Variants in CALN1 observed in about 807,000 individuals in gnomAD.
CALN1 encodes the protein calcium-binding protein 8.
In CALN1, 17 loss-of-function variants were observed where a neutral mutation model predicts 30.6. That is an observed-to-expected ratio of 0.56 (90% CI 0.38 to 0.83). The LOEUF is 0.83. CALN1 is among the 40% of genes least tolerant of loss of function. The pLI is 0.00. For synonymous variants in CALN1, 156 were observed against 131.4 expected (o/e 1.19, Z -1.28); for missense variants, 291 against 354.9 (o/e 0.82, Z 1.45).
intron 3 of CALN1, among the ~76,000 whole-genome samples, chr7:72,271,610 G>GC (rs1797000620): frequency 2.0e-5 from 2 of 100,954 alleles, no homozygotes; most frequent in Admixed American, 1.1e-4. Flanking sequence ...CAGCAGGCAG[G>GC]AGATGAGGGG....
At chr7:72,033,810 G>T (rs531871673) in intron 4 of CALN1, among the ~76,000 whole-genome samples, 1 of 152,282 alleles carries the variant, frequency 6.6e-6, no homozygotes, top group East Asian at 1.9e-4. Flanking sequence ...CCAGAACTTT[G>T]CTCACCAAAG....
chr7:71,909,639 T>C (rs1251140594), intron 5 of CALN1, among the ~76,000 whole-genome samples: 3 of 152,204 alleles, frequency 2.0e-5, no homozygotes, highest in Non-Finnish European at 4.4e-5. Flanking sequence ...CAGGCTTCCA[T>C]ACCTTTTTGT....
chr7:72,057,184 T>C (rs1803314246), intron 4 of CALN1, among the ~76,000 whole-genome samples: 1 of 152,042 alleles, frequency 6.6e-6, no homozygotes, highest in Admixed American at 6.6e-5. Context: ...CGGCCTGAAG[T>C]AATCCTCCCA....
At chr7:72,183,319 GA>G (rs1789948752) in intron 3 of CALN1, among the ~76,000 whole-genome samples, 1 of 152,186 alleles carries the variant, frequency 6.6e-6, no homozygotes, top group South Asian at 2.1e-4. Flanking sequence ...AGAAGGCAAG[GA>G]GGGGGAGAGG....
intron 2 of CALN1, among the ~76,000 whole-genome samples, chr7:72,366,608 T>C (rs1196324700): frequency 6.6e-6 from 1 of 152,148 alleles, no homozygotes; most frequent in East Asian, 1.9e-4. Context: ...TTGTACCTAA[T>C]ATGTAGTTTT....
At chr7:72,417,159 C>T (rs922989060), upstream of CALN1, among the ~76,000 whole-genome samples, 1 of 152,198 alleles carries the variant, frequency 6.6e-6, no homozygotes, top group Non-Finnish European at 1.5e-5. Flanking sequence ...AGACAACAAG[C>T]GTTTGAGAAG....
chr7:71,966,375 C>A (rs1797531922), intron 5 of CALN1, among the ~76,000 whole-genome samples: 1 of 152,082 alleles, frequency 6.6e-6, no homozygotes, highest in Admixed American at 6.6e-5. Flanking sequence ...AATTGTAATC[C>A]TCAGTGATGG....
At chr7:72,446,925 G>A (rs1808545204) in intron 1 of CALN1, 2 of 152,452 alleles carry the variant, frequency 1.3e-5, no homozygotes, top group South Asian at 2.1e-4. Context: ...AAATTGGAGA[G>A]GAGGAAGAGG....
intron 3 of CALN1, among the ~76,000 whole-genome samples, chr7:72,190,664 T>A (rs1390478685): frequency 1.3e-5 from 2 of 152,322 alleles, no homozygotes; most frequent in Admixed American, 6.5e-5. Context: ...TTCAGAAAAA[T>A]TATTTTTTAA....
Position 71,787,419 on chromosome 7 carries a change from T to C in CALN1, c.*356A>G, listed in dbSNP as rs1192255565. On this transcript the variant is annotated 3_prime_UTR_variant, in exon 7 of 7. Coordinates refer to ENST00000395275, the MANE Select transcript of CALN1 (RefSeq NM_031468.4). ...AGGTGACTGTGTGTTCATGCCTCTC[T>C]CTTGCTCTCTCACCATTATACCTGG... The C allele has an allele frequency of 1.8e-5, 4 of 226,450 alleles. No individual in the cohort carries two copies. The highest frequency in any genetic ancestry group is 8.8e-5 in the African/African-American group (4 of 45,246). 14.0% of individuals were successfully genotyped at this position (226,450 alleles called of 1,614,324 possible).
chr7:72,292,346 T>G (rs1798542287), intron 2 of CALN1, among the ~76,000 whole-genome samples: 1 of 151,510 alleles, frequency 6.6e-6, no homozygotes, highest in Non-Finnish European at 1.5e-5. Flanking sequence ...CAGAGAGCGC[T>G]CTGGTCTCTT....
intron 1 of CALN1, among the ~76,000 whole-genome samples, chr7:72,444,574 T>TA (rs1808463169): frequency 6.6e-6 from 1 of 152,128 alleles, no homozygotes; most frequent in South Asian, 2.1e-4. Context: ...TTGGGAGAGA[T>TA]AGAGTGACAG....
At chr7:71,952,785 C>T (rs796552266) in intron 5 of CALN1, among the ~76,000 whole-genome samples, 6 of 152,238 alleles carry the variant, frequency 3.9e-5, no homozygotes, top group South Asian at 4.1e-4. Context: ...CTTGTCGGCT[C>T]GGCCCCTGTA....
intron 5 of CALN1, among the ~76,000 whole-genome samples, chr7:71,816,765 C>T (rs988082616): frequency 4.6e-5 from 7 of 152,168 alleles, no homozygotes; most frequent in South Asian, 4.2e-4. Context: ...GTCAGGAGTT[C>T]GAGACTAGCC....
intron 5 of CALN1, among the ~76,000 whole-genome samples, chr7:71,829,263 A>G (rs1410047992): frequency 2.0e-5 from 3 of 152,096 alleles, no homozygotes; most frequent in Non-Finnish European, 4.4e-5. Flanking sequence ...AGATTTCACT[A>G]AAGAGGAAAA....
upstream of CALN1, among the ~76,000 whole-genome samples, chr7:72,449,747 C>T (rs983225873): frequency 3.3e-5 from 5 of 151,640 alleles, no homozygotes; most frequent in African/African-American, 1.2e-4. Context: ...TGGTGGCGGG[C>T]GCCTGTAGTC....
intron 2 of CALN1, among the ~76,000 whole-genome samples, chr7:72,326,474 T>C (rs1016713486): frequency 3.9e-5 from 6 of 152,250 alleles, no homozygotes; most frequent in African/African-American, 1.4e-4. Context: ...TATGTGTTTA[T>C]GTGTATGCAT....
chr7:72,181,101 C>CG (rs1182656549), intron 3 of CALN1, among the ~76,000 whole-genome samples: 1 of 83,454 alleles, frequency 1.2e-5, no homozygotes, highest in East Asian at 4.7e-4. Context: ...GCATAACCCC[C>CG]CCCCCCCCCA....
intron 4 of CALN1, among the ~76,000 whole-genome samples, chr7:72,046,016 A>T (rs1802446314): frequency 6.9e-6 from 1 of 143,898 alleles, no homozygotes; most frequent in Admixed American, 6.9e-5. Context: ...AAAAAAAAAA[A>T]GGATTCAGAA....
Sources: gnomAD v4.1 joint callset for allele counts (sites outside exome capture counted in the v4.1 genomes callset) on GRCh38, gnomAD v4.1.1 for gene constraint, MANE v1.5 for transcripts, NCBI Gene and HGNC (gene_info 2026-07-23, HGNC 2026-07-21) for gene names.